The following ABAT variants were observed in gnomAD, a reference collection of about 807,000 sequenced individuals.
The protein encoded by ABAT is 4-aminobutyrate aminotransferase, also known as 4-aminobutyrate aminotransferase, mitochondrial.
In ABAT, 45 loss-of-function variants were observed where a neutral mutation model predicts 64.6. The ratio of observed to expected loss-of-function variants is 0.70; its 90% CI spans 0.55 to 0.89. ABAT has a LOEUF of 0.89. ABAT is among the 40% of genes least tolerant of loss of function. ABAT has a pLI of 0.00. For missense variants in ABAT, 633 were observed against 658.4 expected (o/e 0.96, Z 0.42); for synonymous variants, 297 against 250.5 (o/e 1.19, Z -1.75).
chr16:8,724,692 C>G (rs12445958), intron 1 of ABAT, among the ~76,000 whole-genome samples: 117,892 of 145,210 alleles, frequency 0.81, 48,196 homozygotes, highest in Non-Finnish European at 0.88. Flanking sequence ...TGGCACCACT[C>G]CACTCCAGCT....
chr16:8,762,164 T>A (rs2059816553), intron 6 of ABAT, among the ~76,000 whole-genome samples: 1 of 152,110 alleles, frequency 6.6e-6, no homozygotes, highest in Admixed American at 6.5e-5. Context: ...GTGCCCGACC[T>A]CCAGTTACTA....
chr16:8,737,939 G>GGAA (rs1555488640), intron 2 of ABAT, among the ~76,000 whole-genome samples: 8 of 25,134 alleles, frequency 3.2e-4, no homozygotes, highest in East Asian at 1.4e-3. Flanking sequence ...AAAAAAGAAA[G>GGAA]GAAAGGAAGA....
intron 1 of ABAT, among the ~76,000 whole-genome samples, chr16:8,723,745 T>C (rs1417292716): frequency 1.3e-5 from 2 of 150,162 alleles, no homozygotes; most frequent in Admixed American, 1.3e-4. Context: ...CTCAGAGCAT[T>C]TTTGTAAGTT....
intron 1 of ABAT, among the ~76,000 whole-genome samples, chr16:8,682,337 A>G (rs2057355677): frequency 6.6e-6 from 1 of 152,144 alleles, no homozygotes; most frequent in South Asian, 2.1e-4. Context: ...TGATGGATAC[A>G]TGTGTGAATG....
At chr16:8,700,963 T>C (rs1015641050) in intron 1 of ABAT, among the ~76,000 whole-genome samples, 1 of 149,934 alleles carries the variant, frequency 6.7e-6, no homozygotes, top group African/African-American at 2.5e-5. Context: ...AGATGGAGTG[T>C]CACTCTGTCT....
intron 2 of ABAT, among the ~76,000 whole-genome samples, chr16:8,742,821 GCAC>G (rs955615654): frequency 9.0e-5 from 13 of 143,762 alleles, no homozygotes; most frequent in African/African-American, 3.4e-4. Flanking sequence ...AGCTGAGATC[GCAC>G]CACTGCATTC....
In ABAT at chr16:8,762,650, C is replaced by T. The variant is rs75232590; in HGVS notation, c.367-1419C>T. On this transcript the variant is annotated intron_variant, in intron 6 of 15. Coordinates refer to ENST00000268251, the MANE Select transcript of ABAT (RefSeq NM_020686.6). ...TCGAGCAAGAACATCACCCCCACGT[C>T]GTTCCTAGACCCAGACGGCTGTCAA... Among the ~76,000 whole-genome samples the T allele has an allele frequency of 4.9e-3, 745 of 152,346 alleles. 6 individuals are homozygous for T. Among genetic ancestry groups the T allele is most frequent in the African/African-American group, 0.017 (720 of 41,588 alleles).
At chr16:8,719,775 G>A (rs565970122) in intron 1 of ABAT, among the ~76,000 whole-genome samples, 17 of 152,110 alleles carry the variant, frequency 1.1e-4, no homozygotes, top group Admixed American at 6.6e-4. Context: ...GGAGGAGAAG[G>A]AGAAGGAAAA....
intron 2 of ABAT, among the ~76,000 whole-genome samples, chr16:8,745,084 G>A (rs966298635): frequency 6.6e-6 from 1 of 152,048 alleles, no homozygotes; most frequent in African/African-American, 2.4e-5. Flanking sequence ...TCAGGCTGAA[G>A]CAATCCTCCC....
At chr16:8,717,095 G>T (rs1177448697) in intron 1 of ABAT, among the ~76,000 whole-genome samples, 2 of 152,160 alleles carry the variant, frequency 1.3e-5, no homozygotes, top group African/African-American at 4.8e-5. Context: ...TTTGAGACCA[G>T]CCTGACCAAC....
chr16:8,724,715 C>CCAGACCT (rs1424840609), intron 1 of ABAT, among the ~76,000 whole-genome samples: 1 of 121,980 alleles, frequency 8.2e-6, no homozygotes, highest in African/African-American at 2.9e-5. Context: ...GGCAATAGAG[C>CCAGACCT]CAGACCTTGT....
chr16:8,700,105 G>A (rs1398436850), intron 1 of ABAT, among the ~76,000 whole-genome samples: 1 of 152,116 alleles, frequency 6.6e-6, no homozygotes, highest in Non-Finnish European at 1.5e-5. Context: ...ACAGGTGTGA[G>A]CCACCATGCC....
chr16:8,684,309 G>A (rs1304902140), intron 1 of ABAT, among the ~76,000 whole-genome samples: 4 of 152,034 alleles, frequency 2.6e-5, no homozygotes, highest in East Asian at 1.9e-4. Flanking sequence ...ATGGTGGCTC[G>A]CACCTGCAAT....
chr16:8,755,412 C>T (rs952316105), intron 5 of ABAT, among the ~76,000 whole-genome samples: 1 of 152,208 alleles, frequency 6.6e-6, no homozygotes, highest in African/African-American at 2.4e-5. Context: ...CTTCAAGACA[C>T]ATGAAAGTGA....
intron 10 of ABAT, 120 bp from the exon 11 acceptor site, chr16:8,768,705 G>T (rs1182864238): frequency 4.3e-6 from 6 of 1,379,924 alleles, no homozygotes; most frequent in East Asian, 2.3e-5. Flanking sequence ...GGTTTCACAG[G>T]CAACAGGCCT....
In ABAT at chr16:8,769,118, C is replaced by A. The variant is rs956022321; in HGVS notation, c.816+145C>A. On this transcript the variant is annotated intron_variant, in intron 11 of 15. Transcript: ENST00000268251. ...CCAGAGGGAAGCAGGGACACAGAGG[C>A]CTTGCGTCCCAAATGTTCTATGTTG... 19 of 1,133,840 alleles carry A rather than the reference C, an allele frequency of 1.7e-5. No homozygotes were observed. In the African/African-American group the frequency reaches 1.9e-4, roughly 11 times the overall value. The allele number at this position is 1,133,840 out of a possible 1,614,324, so 70.2% of individuals were successfully genotyped here. A position where few individuals can be genotyped will look rare whatever the true frequency, so the allele number is the denominator to read the frequency against.
At chr16:8,715,494 T>G (rs2142120445) in intron 1 of ABAT, 1 of 151,954 alleles carries the variant, frequency 6.6e-6, no homozygotes, top group African/African-American at 2.4e-5. Context: ...GACATAGTGG[T>G]GTGTGCCTGT....
chr16:8,711,314 G>A (rs1011640500), intron 1 of ABAT, among the ~76,000 whole-genome samples: 2 of 152,016 alleles, frequency 1.3e-5, no homozygotes, highest in East Asian at 1.9e-4. Context: ...TCAGGAGGTG[G>A]GGGCAACTGT....
intron 1 of ABAT, chr16:8,713,080 C>G (rs1267324505): frequency 9.2e-5 from 14 of 152,358 alleles, no homozygotes; most frequent in Admixed American, 9.2e-4. Context: ...CCTCCCCAAC[C>G]CCCGAGGCGG....
Sources: gnomAD v4.1 joint callset for allele counts (sites outside exome capture counted in the v4.1 genomes callset) on GRCh38, gnomAD v4.1.1 for gene constraint, MANE v1.5 for transcripts, NCBI Gene and HGNC (gene_info 2026-07-23, HGNC 2026-07-21) for gene names.